Variants in ADAM12 observed in about 807,000 individuals in gnomAD.
ADAM12 encodes the protein disintegrin and metalloproteinase domain-containing protein 12.
A neutral mutation model predicts 106.4 loss-of-function variants in ADAM12; 70 were observed. The ratio of observed to expected loss-of-function variants is 0.66; its 90% CI spans 0.54 to 0.80. The LOEUF (loss-of-function observed/expected upper bound fraction) is 0.80. Ranked by LOEUF, ADAM12 falls within the 30% of genes least tolerant of loss-of-function variation. The pLI is 0.00. For synonymous variants in ADAM12, 420 were observed against 433.5 expected (o/e 0.97, Z 0.39); for missense variants, 1,010 against 1,171.9 (o/e 0.86, Z 2.02).
intron 3 of ADAM12, among the ~76,000 whole-genome samples, chr10:126,193,020 C>T (rs1957531610): frequency 6.6e-6 from 1 of 152,132 alleles, no homozygotes; most frequent in Admixed American, 6.5e-5. Flanking sequence ...AATCCCAGCA[C>T]TTTGGAAGAC....
At chr10:126,056,905 T>C (rs2133458895) in intron 14 of ADAM12, among the ~76,000 whole-genome samples, 1 of 26,038 alleles carries the variant, frequency 3.8e-5, no homozygotes, top group African/African-American at 1.3e-4. Flanking sequence ...AGTGCCGCAA[T>C]AAACATACGT....
chr10:126,063,364 C>A (rs78581288), intron 14 of ADAM12, among the ~76,000 whole-genome samples: 4 of 152,222 alleles, frequency 2.6e-5, no homozygotes, highest in African/African-American at 9.6e-5. Context: ...GACCCAGCTC[C>A]GAGAGACATC....
rs756603321 is a variant in ADAM12, at chr10:126,135,665, A to G, written c.340-5T>C. On this transcript the variant is annotated splice_polypyrimidine_tract_variant and splice_region_variant and intron_variant, in intron 4 of 22. Transcript: ENST00000448723. ...TCCATGGTAGTAACAGTGACCCTAAAGGGGAGGAGGAGAGAATCCCATTTC... is the reference window on the plus strand; with the variant it reads ...TCCATGGTAGTAACAGTGACCCTAAGGGGGAGGAGGAGAGAATCCCATTTC... 5 of 1,612,900 alleles carry G rather than the reference A, an allele frequency of 3.1e-6. No homozygotes were observed. Among genetic ancestry groups the G allele is most frequent in the Non-Finnish European group, 3.4e-6 (4 of 1,178,850 alleles).
At chr10:126,224,311 C>G (rs1958151152) in intron 3 of ADAM12, among the ~76,000 whole-genome samples, 1 of 152,180 alleles carries the variant, frequency 6.6e-6, no homozygotes, top group Non-Finnish European at 1.5e-5. Flanking sequence ...TGAGGGGAGT[C>G]CCAGGAGAAA....
chr10:126,350,150 G>C (rs1170019504), intron 1 of ADAM12, among the ~76,000 whole-genome samples: 1 of 152,130 alleles, frequency 6.6e-6, no homozygotes, highest in African/African-American at 2.4e-5. Flanking sequence ...GGAAAAAATT[G>C]AAACAACTAA....
chr10:126,156,241 G>A (rs558761754), intron 3 of ADAM12, among the ~76,000 whole-genome samples: 239 of 152,240 alleles, frequency 1.6e-3, no homozygotes, highest in Non-Finnish European at 3.2e-3. Flanking sequence ...TAGAAACAGA[G>A]TCCTTCTGAG....
chr10:126,255,805 A>T (rs1236608638), intron 3 of ADAM12, among the ~76,000 whole-genome samples: 1 of 152,124 alleles, frequency 6.6e-6, no homozygotes, highest in Non-Finnish European at 1.5e-5. Flanking sequence ...AGTCTCAGAG[A>T]TGTCTGCACA....
chr10:126,049,258 C>T lies in ADAM12; in HGVS notation c.1912G>A (p.Gly638Arg). 1.2e-6 allele frequency: 2 copies of T among 1,614,036 alleles called. No individual in the cohort carries two copies. Among genetic ancestry groups the T allele is most frequent in the Middle Eastern group, 3.3e-4 (2 of 6,026 alleles). Reference protein sequence around the residue: ...LVLAGTKCADGKICLNRQCQN... With the variant: ...LVLAGTKCADRKICLNRQCQN... ...AGCAAACATTTGGGTCTTACTTTTCCATCTGCACACTTTGTGCCTGCAAGC... is the reference window on the plus strand; with the variant it reads ...AGCAAACATTTGGGTCTTACTTTTCTATCTGCACACTTTGTGCCTGCAAGC... The change falls in exon 16 of 23, where the codon GGA becomes AGA. Residue 638 changes from glycine to arginine, a missense_variant. By Grantham distance (125) the Gly-to-Arg change is moderately radical. Around this residue, in one of 3 missense-constraint regions of ADAM12, gnomAD observed 615 missense variants for 708.5 expected, o/e 0.87. Transcript: ENST00000448723. This position sits in a 1 kb window ranked among gnomAD's most constrained non-coding sequence, Gnocchi z 4.4.
chr10:126,366,386 C>G (rs558429204), intron 1 of ADAM12, among the ~76,000 whole-genome samples: 11 of 152,062 alleles, frequency 7.2e-5, no homozygotes, highest in African/African-American at 2.4e-4. Flanking sequence ...CTATAACTCT[C>G]TAAGTTAAAG....
intron 3 of ADAM12, among the ~76,000 whole-genome samples, chr10:126,252,710 G>T (rs992197961): frequency 1.3e-5 from 2 of 151,912 alleles, no homozygotes; most frequent in Non-Finnish European, 2.9e-5. Flanking sequence ...TTCAAATGCT[G>T]ATCTCTTCCA....
At chr10:126,272,791 C>A in intron 3 of ADAM12, 1 of 327,286 alleles carries the variant, frequency 3.1e-6, no homozygotes, top group Admixed American at 3.0e-5. Flanking sequence ...TCCAGGGGAG[C>A]CCCTCAGGCT....
rs2133381655 is a variant in ADAM12, at chr10:126,025,711, A to G, written c.2530-5886T>C. ...GCAACCTCGAAGATCAAAGGTAGAT[A>G]AGCCCACAAAGATGGAAAACATACT... On this transcript the variant is annotated intron_variant, in intron 21 of 22. Transcript: ENST00000448723. Among the ~76,000 whole-genome samples, 2 of 152,380 alleles carry G rather than the reference A, an allele frequency of 1.3e-5. 1 individual carries two copies. The highest frequency in any genetic ancestry group is 1.3e-4 in the Admixed American group (2 of 15,310).
At chr10:126,020,540 C>T (rs900281753) in intron 21 of ADAM12, among the ~76,000 whole-genome samples, 1 of 152,106 alleles carries the variant, frequency 6.6e-6, no homozygotes, top group Non-Finnish European at 1.5e-5. Context: ...GTGCAAGTCA[C>T]TTGACCTCTT....
chr10:126,113,479 G>A (rs553807901), intron 6 of ADAM12, among the ~76,000 whole-genome samples: 1 of 150,412 alleles, frequency 6.6e-6, no homozygotes, highest in East Asian at 2.0e-4. Flanking sequence ...GATCAACATG[G>A]TAAAACCCTG....
intron 1 of ADAM12, among the ~76,000 whole-genome samples, chr10:126,350,481 G>A (rs1188136839): frequency 6.6e-6 from 1 of 152,228 alleles, no homozygotes; most frequent in Non-Finnish European, 1.5e-5. Context: ...AGAGACAGCT[G>A]CCTGGGCATG....
chr10:126,225,044 G>C (rs1335162027), intron 3 of ADAM12, among the ~76,000 whole-genome samples: 1 of 152,240 alleles, frequency 6.6e-6, no homozygotes, highest in African/African-American at 2.4e-5. Context: ...TTTAGAAAGG[G>C]GGCACCCCCG....
At chr10:126,361,374 A>G (rs1025211102) in intron 1 of ADAM12, among the ~76,000 whole-genome samples, 1 of 152,238 alleles carries the variant, frequency 6.6e-6, no homozygotes, top group Non-Finnish European at 1.5e-5. Context: ...AGCAATCTAC[A>G]GATTCAATGC....
At chr10:126,056,743 T>C (rs1954640737) in intron 14 of ADAM12, among the ~76,000 whole-genome samples, 2 of 60,494 alleles carry the variant, frequency 3.3e-5, no homozygotes, top group Non-Finnish European at 7.0e-5. Context: ...AGAATGATGG[T>C]TTCCAATTTC....
At position 126,043,162 on chromosome 10, in the gene ADAM12, G is replaced by A. The variant is rs915314388; in HGVS notation, c.1996-14C>T. On this transcript the variant is annotated splice_polypyrimidine_tract_variant and intron_variant, in intron 17 of 22. Coordinates refer to ENST00000448723, the MANE Select transcript of ADAM12 (RefSeq NM_001288973.2). This position sits in a 1 kb window ranked among gnomAD's most constrained non-coding sequence, Gnocchi z 4.1. ...GTTGTTGCACACCTTTCAGGGCAGAGGGGAGGGACGTGGGGTTAGGGCATA... is the reference window on the plus strand; with the variant it reads ...GTTGTTGCACACCTTTCAGGGCAGAAGGGAGGGACGTGGGGTTAGGGCATA... 3.1e-6 allele frequency: 5 copies of A among 1,612,820 alleles called. No homozygotes were observed. Among genetic ancestry groups the A allele is most frequent in the Admixed American group, 3.3e-5 (2 of 59,964 alleles).
Sources: gnomAD v4.1 joint callset for allele counts (sites outside exome capture counted in the v4.1 genomes callset) on GRCh38, gnomAD v4.1.1 for gene constraint, gnomAD v4.1.1 regional missense constraint, Gnocchi (gnomAD v3.1) non-coding constraint, MANE v1.5 for transcripts, NCBI Gene and HGNC (gene_info 2026-07-23, HGNC 2026-07-21) for gene names.